Variants in ANK3 observed in about 807,000 individuals in gnomAD.
ANK3 encodes ankyrin-3.
In ANK3, 57 loss-of-function variants were observed where a neutral mutation model predicts 370.9. The ratio of observed to expected loss-of-function variants is 0.15; its 90% CI spans 0.12 to 0.19. The LOEUF is 0.19. Ranked by LOEUF, ANK3 falls within the 10% of genes least tolerant of loss-of-function variation. ANK3 has a pLI of 1.00. For missense variants in ANK3, 4,439 were observed against 5,302.1 expected, an observed-to-expected ratio of 0.84 and a Z score of 5.06; for synonymous variants, 1,929 against 1,946.3, an observed-to-expected ratio of 0.99 and a Z score of 0.23.
At chr10:60,580,046 T>C (rs1362312891) in intron 2 of ANK3, among the ~76,000 whole-genome samples, 3 of 152,202 alleles carry the variant, frequency 2.0e-5, no homozygotes, top group African/African-American at 7.2e-5. Flanking sequence ...TTTGTCATAT[T>C]TACCAAATTG....
chr10:60,172,287 G>A (rs777116798), intron 21 of ANK3, 21 bp downstream of exon 21: 2 of 1,594,382 alleles, frequency 1.3e-6, no homozygotes, highest in Non-Finnish European at 1.7e-6. Flanking sequence ...AGGGTAACAA[G>A]GTTCTGCATT....
At chr10:60,491,935 G>A (rs999541286) in intron 2 of ANK3, among the ~76,000 whole-genome samples, 3 of 152,136 alleles carry the variant, frequency 2.0e-5, no homozygotes, top group Non-Finnish European at 4.4e-5. Context: ...ACAGTGTCTG[G>A]TGATATATAC....
In ANK3 at chr10:60,083,606, T is replaced by A; in HGVS notation, c.4086A>T (p.Gly1362=). ...ARSKDIEVLE[G]KPIYVDCYGN... ...CATAACAATCAACATAAATAGGTTT[T>A]CCTTCCAGAACCTTTTAGAGTAAAA... The change falls in exon 33 of 44, where the codon GGA becomes GGT. Residue 1362 remains glycine (G), a synonymous_variant. Transcript: ENST00000280772. 6.2e-7 allele frequency: 1 copy of A among 1,604,074 alleles called. No individual in the cohort carries two copies.
At chr10:60,706,432 C>A (rs1006390383) in intron 1 of ANK3, among the ~76,000 whole-genome samples, 10 of 152,112 alleles carry the variant, frequency 6.6e-5, no homozygotes, top group Admixed American at 5.9e-4. Flanking sequence ...GATATTACAA[C>A]CCCACCATAA....
intron 7 of ANK3, among the ~76,000 whole-genome samples, chr10:60,259,516 C>A (rs1297911890): frequency 2.6e-5 from 4 of 152,212 alleles, no homozygotes; most frequent in Non-Finnish European, 2.9e-5. Flanking sequence ...GGAAGGTTAA[C>A]AACGTGGGTC....
At chr10:60,654,596 C>T (rs1269338934) in intron 1 of ANK3, among the ~76,000 whole-genome samples, 2 of 152,050 alleles carry the variant, frequency 1.3e-5, no homozygotes, top group Admixed American at 6.5e-5. Context: ...TAAATTACAT[C>T]GATTTCTGAA....
intron 1 of ANK3, among the ~76,000 whole-genome samples, chr10:60,700,774 T>C (rs957606228): frequency 6.6e-6 from 1 of 152,282 alleles, no homozygotes. Context: ...TCTTATCATA[T>C]ACTAAGATAA....
At chr10:60,144,488 T>A (rs2094716386) in intron 23 of ANK3, among the ~76,000 whole-genome samples, 1 of 152,206 alleles carries the variant, frequency 6.6e-6, no homozygotes, top group African/African-American at 2.4e-5. Flanking sequence ...GCCTACAAAA[T>A]ATTTAAAAAG....
intron 1 of ANK3, among the ~76,000 whole-genome samples, chr10:60,310,587 G>C (rs2046138493): frequency 6.6e-6 from 1 of 152,206 alleles, no homozygotes; most frequent in Non-Finnish European, 1.5e-5. Flanking sequence ...AAGTTCAGGA[G>C]ATAGGAAGAG....
intron 2 of ANK3, among the ~76,000 whole-genome samples, chr10:60,453,344 T>G (rs771987286): frequency 6.6e-6 from 1 of 152,216 alleles, no homozygotes; most frequent in African/African-American, 2.4e-5. Flanking sequence ...AGAAGAAAAT[T>G]CTATGACCTA....
chr10:60,180,489 G>A (rs908272008), intron 18 of ANK3, among the ~76,000 whole-genome samples: 12 of 151,228 alleles, frequency 7.9e-5, no homozygotes, highest in Admixed American at 4.0e-4. Flanking sequence ...CCAGCTACTC[G>A]GGAGGCTGAG....
chr10:60,401,179 T>C (rs2063345818), intron 2 of ANK3, among the ~76,000 whole-genome samples: 1 of 152,174 alleles, frequency 6.6e-6, no homozygotes, highest in Non-Finnish European at 1.5e-5. Context: ...TAAAACAATC[T>C]ACTTCATAGA....
intron 12 of ANK3, among the ~76,000 whole-genome samples, chr10:60,202,707 G>A (rs1003248981): frequency 2.0e-5 from 3 of 152,120 alleles, no homozygotes; most frequent in Admixed American, 2.0e-4. Flanking sequence ...AGGAGTTCAA[G>A]ACCAGCCTGG....
At chr10:60,177,638 C>G (rs529536083) in intron 18 of ANK3, among the ~76,000 whole-genome samples, 1 of 135,814 alleles carries the variant, frequency 7.4e-6, no homozygotes, top group East Asian at 2.2e-4. Context: ...CGCTCTGTCG[C>G]CCAGGCTGGA....
In ANK3 at chr10:60,476,166, A is replaced by G. The variant is rs193093855; in HGVS notation, c.96+139020T>C. On this transcript the variant is annotated intron_variant, in intron 2 of 43. Transcript: ENST00000373827. ...GGGATCTCAGAATAAAATAACAAAT[A>G]AAGTATTTTTAAGAAGACTTTAATG... Among the ~76,000 whole-genome samples, 64 of 152,320 alleles carry G rather than the reference A, an allele frequency of 4.2e-4. 1 individual carries two copies. Among genetic ancestry groups the G allele is most frequent in the African/African-American group, 1.4e-3 (58 of 41,576 alleles).
At chr10:60,684,399 AG>A (rs2079240303) in intron 1 of ANK3, 1 of 621,896 alleles carries the variant, frequency 1.6e-6, no homozygotes, top group Admixed American at 2.9e-5. Flanking sequence ...AGTGAAGGGG[AG>A]GGAAGGATGG....
At chr10:60,678,138 TG>T (rs1410924070) in intron 1 of ANK3, among the ~76,000 whole-genome samples, 4 of 152,156 alleles carry the variant, frequency 2.6e-5, no homozygotes, top group East Asian at 1.9e-4. Context: ...ACAAAGGCAA[TG>T]ATAAAAGCTC....
rs2072471894 is a variant in ANK3, at chr10:60,027,698, G to T, written c.*2148C>A. 1 of 152,198 alleles carries T rather than the reference G, an allele frequency of 6.6e-6. No individual in the cohort carries two copies. The highest frequency in any genetic ancestry group is 1.5e-5 in the Non-Finnish European group (1 of 68,028). 9.4% of individuals were successfully genotyped at this position (152,198 alleles called of 1,614,324 possible). A position where few individuals can be genotyped will look rare whatever the true frequency, so the allele number is the denominator to read the frequency against. ...TGAGCACTCCAGTTTTAGTGATGATGATCACAGTTACTACTATCACTACTA... is the reference window on the plus strand; with the variant it reads ...TGAGCACTCCAGTTTTAGTGATGATTATCACAGTTACTACTATCACTACTA... On this transcript the variant is annotated 3_prime_UTR_variant, in exon 44 of 44. Transcript: ENST00000280772.
chr10:60,720,757 T>C (rs2079852185), intron 1 of ANK3, among the ~76,000 whole-genome samples: 1 of 152,058 alleles, frequency 6.6e-6, no homozygotes, highest in Non-Finnish European at 1.5e-5. Flanking sequence ...GGACCACAGG[T>C]GCACACCACT....
Sources: gnomAD v4.1 joint callset for allele counts (sites outside exome capture counted in the v4.1 genomes callset) on GRCh38, gnomAD v4.1.1 for gene constraint, MANE v1.5 for transcripts, NCBI Gene and HGNC (gene_info 2026-07-23, HGNC 2026-07-21) for gene names.